Variants in KLHL6 observed in about 807,000 individuals in gnomAD.
KLHL6 encodes the protein kelch-like protein 6.
A neutral mutation model predicts 58.6 loss-of-function variants in KLHL6; 41 were observed. The ratio of observed to expected loss-of-function variants is 0.70; its 90% CI spans 0.55 to 0.91. KLHL6 has a LOEUF of 0.91. Ranked by LOEUF, KLHL6 falls within the 40% of genes least tolerant of loss-of-function variation. KLHL6 has a pLI of 0.00. For synonymous variants in KLHL6, 338 were observed against 322.7 expected (o/e 1.05, Z -0.51); for missense variants, 714 against 805.6 (o/e 0.89, Z 1.38).
chr3:183,494,683 C>T (rs183421494), intron 4 of KLHL6, among the ~76,000 whole-genome samples: 3 of 152,278 alleles, frequency 2.0e-5, no homozygotes, highest in South Asian at 2.1e-4. Context: ...GGGGTTTGTG[C>T]AGAAGGCAAA....
At chr3:183,536,423 G>A (rs771509548) in intron 1 of KLHL6, among the ~76,000 whole-genome samples, 1 of 152,210 alleles carries the variant, frequency 6.6e-6, no homozygotes, top group African/African-American at 2.4e-5. Flanking sequence ...GTTTGCATGT[G>A]CACAAGCCAA....
intron 2 of KLHL6, chr3:183,520,993 A>C (rs1041392086): frequency 6.6e-6 from 1 of 152,170 alleles, no homozygotes; most frequent in African/African-American, 2.4e-5. Flanking sequence ...AGGCTGTCTC[A>C]GTCGGGAGAA....
chr3:183,550,829 A>G (rs1288216561), intron 1 of KLHL6, among the ~76,000 whole-genome samples: 1 of 151,564 alleles, frequency 6.6e-6, no homozygotes, highest in African/African-American at 2.4e-5. Context: ...TTAAAAATTT[A>G]CTTCCTATGG....
At chr3:183,515,887 C>G (rs1295387644) in intron 2 of KLHL6, among the ~76,000 whole-genome samples, 2 of 152,220 alleles carry the variant, frequency 1.3e-5, no homozygotes, top group African/African-American at 4.8e-5. Flanking sequence ...GTGCTAGACA[C>G]ATTCCCAGTC....
rs1717455570 is a variant in KLHL6 at position 183,488,362 on chromosome 3, T to C, written c.*3565A>G. The C allele has an allele frequency of 6.6e-6, 1 of 152,228 alleles. No homozygotes were observed. Among genetic ancestry groups the C allele is most frequent in the Admixed American group, 6.5e-5 (1 of 15,278 alleles). 9.4% of individuals were successfully genotyped at this position (152,228 alleles called of 1,614,324 possible). A position where few individuals can be genotyped will look rare whatever the true frequency, so the allele number is the denominator to read the frequency against. ...CCTCTGCTCTAAGAAGGGGATTCCTTCCTTAGTTCCTTGCCTAGAATACTC... is the reference window on the plus strand; with the variant it reads ...CCTCTGCTCTAAGAAGGGGATTCCTCCCTTAGTTCCTTGCCTAGAATACTC... On this transcript the variant is annotated 3_prime_UTR_variant, in exon 7 of 7. Coordinates refer to ENST00000341319, the MANE Select transcript of KLHL6 (RefSeq NM_130446.4).
intron 1 of KLHL6, among the ~76,000 whole-genome samples, chr3:183,531,448 T>TTTTTTG (rs960444614): frequency 1.7e-4 from 22 of 127,790 alleles, no homozygotes; most frequent in African/African-American, 7.0e-4. Context: ...TCTGTGTTTT[T>TTTTTTG]TTTTTTTTTT....
intron 1 of KLHL6, among the ~76,000 whole-genome samples, chr3:183,533,973 G>A (rs535244696): frequency 1.3e-5 from 2 of 149,934 alleles, no homozygotes; most frequent in Non-Finnish European, 3.0e-5. Context: ...GGGGAGCCGT[G>A]ATGATATCAG....
At position 183,492,833 on chromosome 3, in the gene KLHL6, G is replaced by A. The variant is rs1486825292; in HGVS notation, c.1351-126C>T. The A allele has an allele frequency of 2.5e-6, 2 of 786,478 alleles. No homozygotes were observed. Among genetic ancestry groups the A allele is most frequent in the African/African-American group, 3.5e-5 (2 of 57,918 alleles). 48.7% of individuals were successfully genotyped at this position (786,478 alleles called of 1,614,324 possible). ...GGCATCTTTTGCCTATAGTCACAAGGCCCATGGGCTTGACTCCTCTTAAGA... is the reference window on the plus strand; with the variant it reads ...GGCATCTTTTGCCTATAGTCACAAGACCCATGGGCTTGACTCCTCTTAAGA... On this transcript the variant is annotated intron_variant, in intron 5 of 6. Coordinates refer to ENST00000341319, the MANE Select transcript of KLHL6 (RefSeq NM_130446.4). This position sits in a 1 kb window ranked among gnomAD's most constrained non-coding sequence, Gnocchi z 5.9.
chr3:183,539,685 G>T (rs1032568041), intron 1 of KLHL6, among the ~76,000 whole-genome samples: 60 of 150,902 alleles, frequency 4.0e-4, no homozygotes, highest in African/African-American at 1.4e-3. Flanking sequence ...CTCCAGCCTG[G>T]GTGACAGTGT....
At position 183,490,098 on chromosome 3, in the gene KLHL6, T is replaced by C. The variant is rs374684688; in HGVS notation, c.*1829A>G. The C allele has an allele frequency of 6.6e-6, 1 of 152,150 alleles. No individual in the cohort carries two copies. Among genetic ancestry groups the C allele is most frequent in the East Asian group, 1.9e-4 (1 of 5,194 alleles). The allele number at this position is 152,150 out of a possible 1,614,324, so 9.4% of individuals were successfully genotyped here. A position where few individuals can be genotyped will look rare whatever the true frequency, so the allele number is the denominator to read the frequency against. On this transcript the variant is annotated 3_prime_UTR_variant, in exon 7 of 7. Transcript: ENST00000341319. Reference sequence around the variant, plus strand: ...TAACCTGTTTCTCCAGCTTGGGGATTAGAATGAATTTCCAGTGAGCTCATT... The same window carrying C: ...TAACCTGTTTCTCCAGCTTGGGGATCAGAATGAATTTCCAGTGAGCTCATT...
chr3:183,494,016 G>T, intron 5 of KLHL6, 63 bp downstream of exon 5: 1 of 1,478,054 alleles, frequency 6.8e-7, no homozygotes, highest in Non-Finnish European at 9.5e-7. Context: ...ACGTTCCAAA[G>T]CTTTTTAAAA....
intron 3 of KLHL6, among the ~76,000 whole-genome samples, chr3:183,506,381 A>C (rs1718002819): frequency 6.6e-6 from 1 of 152,172 alleles, no homozygotes; most frequent in Non-Finnish European, 1.5e-5. Flanking sequence ...CAGTCTCAGG[A>C]CTCTCTTCTA....
rs1199476181 is a variant in KLHL6 at position 183,528,054 on chromosome 3, G to A, written c.294-44C>T. ...AATGTGAATCGTGCCGAGACCCTTG[G>A]TTCCAGGCCTAAAGAGATCCCCTTT... On this transcript the variant is annotated intron_variant, in intron 1 of 6. Transcript: ENST00000341319. 3.1e-6 allele frequency: 5 copies of A among 1,608,674 alleles called. No individual in the cohort carries two copies. The African/African-American group carries it at 5.3e-5, about 17-fold the overall frequency.
chr3:183,552,103 G>A (rs976649003), intron 1 of KLHL6: 2 of 123,532 alleles, frequency 1.6e-5, no homozygotes, highest in Non-Finnish European at 3.3e-5. Flanking sequence ...TGATGCCGTG[G>A]GGGAACGCAA....
At position 183,490,560 on chromosome 3, in the gene KLHL6, A is replaced by T. The variant is rs1717515626; in HGVS notation, c.*1367T>A. The T allele has an allele frequency of 6.6e-6, 1 of 152,048 alleles. No individual in the cohort carries two copies. The allele number at this position is 152,048 out of a possible 1,614,324, so 9.4% of individuals were successfully genotyped here. A position where few individuals can be genotyped will look rare whatever the true frequency, so the allele number is the denominator to read the frequency against. On this transcript the variant is annotated 3_prime_UTR_variant, in exon 7 of 7. Transcript: ENST00000341319. ...AGTGGCTCACACCTGTAATCCCAGC[A>T]CTTCGGGAGGCCGAGGCGGGCAGAT...
intron 1 of KLHL6, chr3:183,551,965 T>C (rs981923713): frequency 6.6e-6 from 1 of 152,212 alleles, no homozygotes; most frequent in Non-Finnish European, 1.5e-5. Context: ...CAGATGCCCC[T>C]TAAACATACG....
chr3:183,502,578 G>A (rs1399815435), intron 3 of KLHL6, among the ~76,000 whole-genome samples: 1 of 152,156 alleles, frequency 6.6e-6, no homozygotes, highest in Admixed American at 6.5e-5. Flanking sequence ...TAGGTCATTT[G>A]CTCTGGGGGA....
chr3:183,489,989 T>C lies in KLHL6; in HGVS notation c.*1938A>G, dbSNP rs1197033146. ...TATAAAGAGAATTGAAATCATATGA[T>C]GAAAATAAAGTCCATTGGGTAACGC... is the stretch of plus-strand genomic sequence containing the variant. On this transcript the variant is annotated 3_prime_UTR_variant, in exon 7 of 7. Transcript: ENST00000341319. The C allele has an allele frequency of 6.6e-6, 1 of 152,194 alleles. No individual in the cohort carries two copies. The highest frequency in any genetic ancestry group is 1.5e-5 in the Non-Finnish European group (1 of 68,032). The allele number at this position is 152,194 out of a possible 1,614,324, so 9.4% of individuals were successfully genotyped here.
At chr3:183,530,691 A>C (rs757996385) in intron 1 of KLHL6, among the ~76,000 whole-genome samples, 1 of 152,206 alleles carries the variant, frequency 6.6e-6, no homozygotes, top group African/African-American at 2.4e-5. Context: ...ATTTAATAAA[A>C]TGCTTATGGA....
Sources: allele counts gnomAD v4.1 joint callset (sites outside exome capture counted in the v4.1 genomes callset), GRCh38; gene constraint gnomAD v4.1.1; non-coding constraint Gnocchi (gnomAD v3.1); transcripts MANE v1.5; gene names NCBI Gene and HGNC (gene_info 2026-07-23, HGNC 2026-07-21).